CCPG1: variants seen among roughly 807,000 people sequenced by gnomAD.
The protein encoded by CCPG1 is cell cycle progression protein 1.
In CCPG1, 46 loss-of-function variants were observed where a neutral mutation model predicts 81.3. The observed-to-expected ratio is 0.57, with a 90% CI of 0.45 to 0.72. CCPG1 has a LOEUF of 0.72. Among genes scored for constraint, CCPG1 ranks in the 30% least tolerant of loss-of-function variants. The pLI, the probability that CCPG1 is intolerant of heterozygous loss-of-function variation, is 0.00. For synonymous variants in CCPG1, 330 were observed against 305.2 expected, an observed-to-expected ratio of 1.08 and a Z score of -0.85; for missense variants, 902 against 937.6, an observed-to-expected ratio of 0.96 and a Z score of 0.50.
chr15:55,405,186 ACT>A (rs1037947072), intron 1 of CCPG1, among the ~76,000 whole-genome samples: 1 of 150,468 alleles, frequency 6.6e-6, no homozygotes, highest in African/African-American at 2.5e-5. Context: ...CATGGAAAAA[ACT>A]CTGTCTCTAC....
At chr15:55,404,681 C>T (rs1439599225) in intron 1 of CCPG1, among the ~76,000 whole-genome samples, 1 of 152,192 alleles carries the variant, frequency 6.6e-6, no homozygotes, top group African/African-American at 2.4e-5. Context: ...TGCCTGTATC[C>T]AGCACTCTGG....
chr15:55,380,864 G>C (rs965797583), intron 3 of CCPG1, among the ~76,000 whole-genome samples: 1 of 129,006 alleles, frequency 7.8e-6, no homozygotes, highest in African/African-American at 3.8e-5. Context: ...ATGGCCGGGC[G>C]CGGCGGCTCA....
intron 3 of CCPG1, among the ~76,000 whole-genome samples, chr15:55,380,859 C>T (rs887994939): frequency 1.6e-5 from 2 of 122,868 alleles, no homozygotes; most frequent in East Asian, 4.0e-4. Context: ...TTAAAATGGC[C>T]GGGCGCGGCG....
In CCPG1 at chr15:55,376,937, G is replaced by C. The variant is rs1286779168; in HGVS notation, c.454+12C>G. On this transcript the variant is annotated intron_variant, in intron 5 of 8. Transcript: ENST00000442196. ...GTACATGTCTTTAAGTCTCTTATCAGTGTATTCTTACCAGTTTCTGGCTGA... is the reference window on the plus strand; with the variant it reads ...GTACATGTCTTTAAGTCTCTTATCACTGTATTCTTACCAGTTTCTGGCTGA... 3 of 1,594,680 alleles carry C rather than the reference G, an allele frequency of 1.9e-6. No homozygotes were observed. The African/African-American group carries it at 4.0e-5, about 21-fold the overall frequency.
At chr15:55,381,000 G>T (rs1247137748) in intron 3 of CCPG1, among the ~76,000 whole-genome samples, 1 of 152,038 alleles carries the variant, frequency 6.6e-6, no homozygotes, top group Non-Finnish European at 1.5e-5. Context: ...AGCCGAGCGT[G>T]GTGGTGGGCA....
Position 55,360,369 on chromosome 15 carries a change from CT to C in CCPG1, c.1403del (p.Lys468ArgfsTer29). On this transcript the variant is annotated frameshift_variant, in exon 8 of 9. Transcript: ENST00000442196. LOFTEE classifies it high-confidence loss of function. ...CCCTGTGGCTTCCTCTGCCCCCTTT[CT>C]TTTTTCCATCTGTTCCTTGTTTTCC... is the stretch of plus-strand genomic sequence containing the variant. ...QNGKQGTDGK[K>X]KGGRGSHRAK... is the part of the protein sequence containing the mutation. 6.2e-7 allele frequency: 1 copy of C among 1,613,866 alleles called. No homozygotes were observed. The highest frequency in any genetic ancestry group is 8.5e-7 in the Non-Finnish European group (1 of 1,180,010).
chr15:55,377,387 C>T (rs1435631179), intron 4 of CCPG1, among the ~76,000 whole-genome samples: 1 of 152,164 alleles, frequency 6.6e-6, no homozygotes, highest in Non-Finnish European at 1.5e-5. Context: ...TAGTGGGCTG[C>T]AGAAGCTGAG....
chr15:55,400,170 A>G (rs932073330), intron 1 of CCPG1, among the ~76,000 whole-genome samples: 1 of 128,666 alleles, frequency 7.8e-6, no homozygotes, highest in Non-Finnish European at 1.6e-5. Flanking sequence ...AGATAATACC[A>G]CTGCACTCCA....
intron 6 of CCPG1, among the ~76,000 whole-genome samples, chr15:55,367,102 T>C (rs1167013207): frequency 6.6e-6 from 1 of 152,234 alleles, no homozygotes; most frequent in African/African-American, 2.4e-5. Flanking sequence ...AGCTATGATA[T>C]TCTGTGTTAG....
chr15:55,359,725 T>C lies in CCPG1; in HGVS notation c.2048A>G (p.Lys683Arg). Residue 683 changes from lysine to arginine, a missense_variant, in exon 8 of 9, where the codon AAG becomes AGG. This residue lies in a region of CCPG1 where 128 missense variants were observed against 161.2 expected (regional missense o/e 0.79). Transcript: ENST00000442196. ...HWNELDQFIN[K>R]FFLNGVFIHD... ...TATAAAGACACCGTTTAGGAAAAAC[T>C]TATTGATGAACTGATCAAGTTCGTT... 5 of 1,613,636 alleles carry C rather than the reference T, an allele frequency of 3.1e-6. No individual in the cohort carries two copies. Among genetic ancestry groups the C allele is most frequent in the Non-Finnish European group, 4.2e-6 (5 of 1,179,904 alleles).
intron 3 of CCPG1, among the ~76,000 whole-genome samples, chr15:55,383,772 C>G (rs956773552): frequency 6.6e-5 from 10 of 152,232 alleles, no homozygotes; most frequent in Admixed American, 5.2e-4. Context: ...AGCTTCTTAA[C>G]CACTCTTAGC....
chr15:55,394,603 C>G (rs767891379), intron 1 of CCPG1, among the ~76,000 whole-genome samples: 1 of 152,058 alleles, frequency 6.6e-6, no homozygotes, highest in Non-Finnish European at 1.5e-5. Flanking sequence ...TTTAATCAGG[C>G]CCCAGTTTAA....
intron 3 of CCPG1, among the ~76,000 whole-genome samples, chr15:55,382,395 G>A (rs2056716651): frequency 6.6e-6 from 1 of 152,058 alleles, no homozygotes; most frequent in Non-Finnish European, 1.5e-5. Flanking sequence ...TCTTCACCAA[G>A]AGTAGATTGC....
rs572427487 is a variant in CCPG1, at chr15:55,356,180, A to C, written c.*40T>G. 7.0e-7 allele frequency: 1 copy of C among 1,438,616 alleles called. No individual in the cohort carries two copies. Among genetic ancestry groups the C allele is most frequent in the South Asian group, 1.3e-5 (1 of 75,652 alleles). The allele number at this position is 1,438,616 out of a possible 1,614,324, so 89.1% of individuals were successfully genotyped here. On this transcript the variant is annotated 3_prime_UTR_variant, in exon 9 of 9. Transcript: ENST00000442196. Reference sequence around the variant, plus strand: ...ATACCAAACATTATACAAAGCATAAATTTTTCTCTTACAGTTGTCTAATTT... The same window carrying C: ...ATACCAAACATTATACAAAGCATAACTTTTTCTCTTACAGTTGTCTAATTT...
At chr15:55,383,139 C>G (rs1346169921) in intron 3 of CCPG1, among the ~76,000 whole-genome samples, 1 of 152,224 alleles carries the variant, frequency 6.6e-6, no homozygotes, top group Non-Finnish European at 1.5e-5. Context: ...CCATGGACTA[C>G]AGACTGGATG....
At chr15:55,361,661 G>A (rs1038990501) in intron 7 of CCPG1, among the ~76,000 whole-genome samples, 1 of 151,054 alleles carries the variant, frequency 6.6e-6, no homozygotes, top group Non-Finnish European at 1.5e-5. Flanking sequence ...AGCCGAGATC[G>A]CACCACTGCA....
At chr15:55,395,972 A>T (rs1484820898) in intron 1 of CCPG1, among the ~76,000 whole-genome samples, 1 of 152,014 alleles carries the variant, frequency 6.6e-6, no homozygotes, top group Non-Finnish European at 1.5e-5. Flanking sequence ...TGGCCAACAT[A>T]GTGAAACCCC....
chr15:55,372,858 G>A, intron 5 of CCPG1: 1 of 488,464 alleles, frequency 2.0e-6, no homozygotes, highest in East Asian at 5.8e-5. Flanking sequence ...GGTGTATCTG[G>A]TCTCTAGTTT....
intron 2 of CCPG1, among the ~76,000 whole-genome samples, chr15:55,388,818 C>G (rs1381674507): frequency 6.7e-6 from 1 of 150,332 alleles, no homozygotes. Context: ...CATCTGTAAG[C>G]CCAGCATGTT....
Sources: allele counts gnomAD v4.1 joint callset (sites outside exome capture counted in the v4.1 genomes callset), GRCh38; gene constraint gnomAD v4.1.1; regional missense constraint gnomAD v4.1.1; transcripts MANE v1.5; gene names NCBI Gene and HGNC (gene_info 2026-07-23, HGNC 2026-07-21).